The following LSM12 variants were observed in gnomAD, a reference collection of about 807,000 sequenced individuals.
LSM12 encodes LSM12 homolog.
For missense variants in LSM12, 108 were observed against 238.9 expected, an observed-to-expected ratio of 0.45 and a Z score of 3.61; for synonymous variants, 74 against 87.3, an observed-to-expected ratio of 0.85 and a Z score of 0.85.
chr17:44,064,239 T>C (rs1375034466), intron 1 of LSM12, among the ~76,000 whole-genome samples: 1 of 138,816 alleles, frequency 7.2e-6, no homozygotes. Context: ...TAGACCTTTC[T>C]GTTCTTCGTA....
intron 2 of LSM12, among the ~76,000 whole-genome samples, chr17:44,054,747 A>G (rs1265263040): frequency 1.3e-5 from 2 of 152,044 alleles, no homozygotes; most frequent in African/African-American, 4.8e-5. Context: ...TGATGCTTCT[A>G]TGATGAAACA....
At chr17:44,037,301 T>C (rs1349185397) in intron 4 of LSM12, 111 bp downstream of exon 4, 2 of 1,326,508 alleles carry the variant, frequency 1.5e-6, no homozygotes, top group Admixed American at 5.4e-5. Context: ...ACAGGGCCTC[T>C]GCTGCTAGAG....
At chr17:44,051,254 A>C (rs1028599582) in intron 2 of LSM12, among the ~76,000 whole-genome samples, 20 of 152,070 alleles carry the variant, frequency 1.3e-4, no homozygotes, top group Non-Finnish European at 1.0e-4. Flanking sequence ...AAAATTAGCC[A>C]GGCGTGATGG....
intron 2 of LSM12, among the ~76,000 whole-genome samples, chr17:44,047,683 C>G (rs1395264684): frequency 1.3e-5 from 2 of 152,064 alleles, no homozygotes; most frequent in African/African-American, 4.8e-5. Context: ...CCACCTCAGC[C>G]TCCCAAGCAT....
At chr17:44,041,336 C>CACAA (rs2049491643) in intron 2 of LSM12, among the ~76,000 whole-genome samples, 1 of 144,424 alleles carries the variant, frequency 6.9e-6, no homozygotes, top group African/African-American at 2.6e-5. Context: ...CACACACAAA[C>CACAA]ACACACACAC....
At chr17:44,037,334 G>C in intron 4 of LSM12, 78 bp downstream of exon 4, 1 of 1,474,752 alleles carries the variant, frequency 6.8e-7, no homozygotes, top group African/African-American at 1.4e-5. Context: ...GTAGCACAAT[G>C]TCCTGGTCTG....
At chr17:44,052,880 A>G (rs1285333963) in intron 2 of LSM12, among the ~76,000 whole-genome samples, 4 of 151,870 alleles carry the variant, frequency 2.6e-5, no homozygotes, top group Non-Finnish European at 4.4e-5. Context: ...GGATGACAAG[A>G]GCAAAACTCT....
chr17:44,061,899 TAA>T (rs2049799825), intron 2 of LSM12, among the ~76,000 whole-genome samples: 1 of 152,108 alleles, frequency 6.6e-6, no homozygotes, highest in Non-Finnish European at 1.5e-5. Flanking sequence ...CCCTGCAGAA[TAA>T]AGTTTAGTGA....
chr17:44,050,117 G>A (rs982103970), intron 2 of LSM12, among the ~76,000 whole-genome samples: 3 of 151,930 alleles, frequency 2.0e-5, no homozygotes, highest in African/African-American at 7.2e-5. Context: ...TTATTTTTTT[G>A]AGATGGAGTT....
At chr17:44,052,804 T>C (rs1353216298) in intron 2 of LSM12, among the ~76,000 whole-genome samples, 1 of 149,882 alleles carries the variant, frequency 6.7e-6, no homozygotes, top group East Asian at 1.9e-4. Flanking sequence ...ATTTATATTT[T>C]ATATAAACGT....
chr17:44,066,670 G>C lies in LSM12; in HGVS notation c.-83C>G, dbSNP rs2049885035. Reference sequence around the variant, plus strand: ...CCCCAGTGAGCGCCGCGACGCGACGGCGCGCACGGAGCGTGCTTGCGTCAC... The same window carrying C: ...CCCCAGTGAGCGCCGCGACGCGACGCCGCGCACGGAGCGTGCTTGCGTCAC... On this transcript the variant is annotated 5_prime_UTR_variant, in exon 1 of 5. Coordinates refer to ENST00000293406, the MANE Select transcript of LSM12 (RefSeq NM_001371445.1). The C allele has an allele frequency of 4.0e-6, 5 of 1,262,736 alleles. No homozygotes were observed. The East Asian group carries it at 1.7e-4, about 43-fold the overall frequency. 78.2% of individuals were successfully genotyped at this position (1,262,736 alleles called of 1,614,324 possible).
intron 2 of LSM12, among the ~76,000 whole-genome samples, chr17:44,051,248 T>C (rs976712168): frequency 6.6e-5 from 10 of 151,994 alleles, no homozygotes; most frequent in Admixed American, 2.0e-4. Context: ...CTACTAAAAA[T>C]TAGCCAGGCG....
intron 2 of LSM12, among the ~76,000 whole-genome samples, chr17:44,052,024 T>A (rs1290327850): frequency 1.3e-5 from 2 of 151,702 alleles, no homozygotes; most frequent in Non-Finnish European, 2.9e-5. Flanking sequence ...AGGAGAATTG[T>A]TTGAACCGGG....
intron 2 of LSM12, among the ~76,000 whole-genome samples, chr17:44,041,302 C>CACACACACACACACACACAA (rs1567955828): frequency 4.7e-5 from 6 of 127,420 alleles, no homozygotes; most frequent in Non-Finnish European, 1.0e-4. Context: ...CACACACACA[C>CACACACACACACACACACAA]ACACACACAC....
chr17:44,051,894 GGTC>G, intron 2 of LSM12, among the ~76,000 whole-genome samples: 1 of 152,108 alleles, frequency 6.6e-6, no homozygotes, highest in East Asian at 1.9e-4. Flanking sequence ...GATCACTTGA[GGTC>G]ACGAGTTCAA....
intron 2 of LSM12, among the ~76,000 whole-genome samples, chr17:44,044,519 T>TAA (rs915259345): frequency 8.5e-5 from 13 of 152,328 alleles, no homozygotes; most frequent in African/African-American, 2.6e-4. Flanking sequence ...TGACTGTATA[T>TAA]ATTTTCAGTT....
intron 2 of LSM12, among the ~76,000 whole-genome samples, chr17:44,062,661 C>G (rs2049813909): frequency 6.6e-6 from 1 of 151,922 alleles, no homozygotes; most frequent in Admixed American, 6.6e-5. Flanking sequence ...CTGAGGCAGG[C>G]AGATCACTTG....
chr17:44,058,547 A>AG (rs1361690564), intron 2 of LSM12, among the ~76,000 whole-genome samples: 3 of 151,618 alleles, frequency 2.0e-5, no homozygotes, highest in Non-Finnish European at 4.4e-5. Context: ...ACAAAAAAAA[A>AG]CTAGGCTGGG....
intron 1 of LSM12, 56 bp downstream of exon 1, chr17:44,066,394 TCGTCCCCCACCCCC>T: frequency 6.7e-7 from 1 of 1,493,760 alleles, no homozygotes; most frequent in Non-Finnish European, 8.9e-7. Flanking sequence ...GCCGCCGCCG[TCGTCCCCCACCCCC>T]CGACCACCGC....
Sources: gnomAD v4.1 joint callset for allele counts (sites outside exome capture counted in the v4.1 genomes callset) on GRCh38, gnomAD v4.1.1 for gene constraint, MANE v1.5 for transcripts, NCBI Gene and HGNC (gene_info 2026-07-23, HGNC 2026-07-21) for gene names.